ITIH4: variants seen among roughly 807,000 people sequenced by gnomAD.
ITIH4 encodes inter-alpha-trypsin inhibitor heavy chain H4.
Under a neutral mutation model 111.8 loss-of-function variants are expected in ITIH4, and 79 were observed. The ratio of observed to expected loss-of-function variants is 0.71; its 90% CI spans 0.59 to 0.85. The LOEUF is 0.85. ITIH4 is among the 40% of genes least tolerant of loss of function. ITIH4 has a pLI of 0.00. For missense variants in ITIH4, 1,065 were observed against 1,195.8 expected, an observed-to-expected ratio of 0.89 and a Z score of 1.61; for synonymous variants, 472 against 468.3, an observed-to-expected ratio of 1.01 and a Z score of -0.10.
Position 52,812,970 on chromosome 3 carries a change from ATTT to A in ITIH4, c.*448_*450del, listed in dbSNP as rs67293153. The stretch of plus-strand genomic sequence containing the variant: ...AAAGAATTCCAACCCAGTTCACTCT[ATTT>A]TTTTTTTTTTTTTTTTTGTAGTCAA... On this transcript the variant is annotated 3_prime_UTR_variant, in exon 24 of 24. Transcript: ENST00000266041. 3.0e-5 allele frequency: 4 copies of A among 132,852 alleles called. No individual in the cohort carries two copies. Among genetic ancestry groups the A allele is most frequent in the Admixed American group, 1.5e-4 (2 of 13,136 alleles). The allele number at this position is 132,852 out of a possible 1,614,324, so 8.2% of individuals were successfully genotyped here.
At chr3:52,818,772 A>G (rs1700323640) in intron 17 of ITIH4, 1 of 550,344 alleles carries the variant, frequency 1.8e-6, no homozygotes, top group African/African-American at 1.9e-5. Context: ...AGTTCAAGGG[A>G]CCTCTGTTGG....
chr3:52,824,891 A>G lies in ITIH4; in HGVS notation c.827T>C (p.Val276Ala). The G allele has an allele frequency of 6.2e-7, 1 of 1,614,126 alleles. No individual in the cohort carries two copies. The highest frequency in any genetic ancestry group is 1.1e-5 in the South Asian group (1 of 91,070). ...EGLTTMPKNV[V>A]FVIDKSGSMS... The stretch of plus-strand genomic sequence containing the variant: ...GGAGCCGCTCTTGTCAATGACAAAG[A>G]CCACATTCTTGGGCATTGTGGTTAG... Residue 276 changes from valine to alanine, a missense_variant, in exon 7 of 24, where the codon GTC (valine) becomes GCC (alanine). Physicochemically the swap from Val to Ala is moderately conservative, Grantham distance 64. Transcript: ENST00000266041. The surrounding 1 kb of genome is among the most constrained non-coding windows in gnomAD (Gnocchi z 4.3).
intron 23 of ITIH4, 36 bp downstream of exon 23, chr3:52,813,939 C>T (rs1354679957): frequency 6.4e-7 from 1 of 1,564,302 alleles, no homozygotes; most frequent in Non-Finnish European, 8.7e-7. Flanking sequence ...CCACCCCACC[C>T]CAGCTGGGCT....
chr3:52,818,017 T>C (rs374279639), intron 20 of ITIH4, 35 bp downstream of exon 20: 4 of 1,500,266 alleles, frequency 2.7e-6, no homozygotes, highest in African/African-American at 1.4e-5. Context: ...TGTGTGCCAG[T>C]GGTGTCTGGG....
At position 52,823,825 on chromosome 3, in the gene ITIH4, G is replaced by A. The variant is rs1343862105; in HGVS notation, c.1351C>T (p.Gln451Ter). ...GCCCACCTGGGGCACACTGGCACCT[G>A]GAGCTGCAGGGCAGAGTCTGAGTCC... Reference protein sequence around the residue: ...HEDSDSALQLQDFYQEVANPL... With the variant: ...HEDSDSALQL The change falls in exon 10 of 24, where the codon CAG (glutamine) becomes TAG (stop). Residue 451 changes from glutamine to a stop codon, truncating the protein, a stop_gained and splice_region_variant. Coordinates refer to ENST00000266041, the MANE Select transcript of ITIH4 (RefSeq NM_002218.5). LOFTEE classifies it high-confidence loss of function. 1.2e-6 allele frequency: 2 copies of A among 1,613,852 alleles called. No individual in the cohort carries two copies. The highest frequency in any genetic ancestry group is 1.7e-5 in the Admixed American group (1 of 59,994).
Position 52,824,758 on chromosome 3 carries a change from A to G in ITIH4, c.876+84T>C. 7.6e-7 allele frequency: 1 copy of G among 1,316,444 alleles called. No individual in the cohort carries two copies. The highest frequency in any genetic ancestry group is 1.1e-6 in the Non-Finnish European group (1 of 937,916). 81.5% of individuals were successfully genotyped at this position (1,316,444 alleles called of 1,614,324 possible). ...GCCCCATGGTGCCGAAAGGTGAAGC[A>G]AGGGGGTCTGCCTGCCGGACCACAG... is the stretch of plus-strand genomic sequence containing the variant. On this transcript the variant is annotated intron_variant, in intron 7 of 23. Transcript: ENST00000266041. The surrounding 1 kb of genome is among the most constrained non-coding windows in gnomAD (Gnocchi z 4.3).
In ITIH4 at chr3:52,820,200, C is replaced by A. The variant is rs1383276810; in HGVS notation, c.1861+91G>T. ...CTGGAGAGGCCTGGGTGGACCTGGG[C>A]CCTGGCCAGCAACCTCACAGGGCTG... is the stretch of plus-strand genomic sequence containing the variant. On this transcript the variant is annotated intron_variant, in intron 14 of 23. Coordinates refer to ENST00000266041, the MANE Select transcript of ITIH4 (RefSeq NM_002218.5). 9 of 1,560,086 alleles carry A rather than the reference C, an allele frequency of 5.8e-6. No homozygotes were observed. The South Asian group carries it at 9.1e-5, about 16-fold the overall frequency.
chr3:52,818,714 G>A, intron 17 of ITIH4, 178 bp from the exon 18 acceptor site: 1 of 616,746 alleles, frequency 1.6e-6, no homozygotes, highest in Non-Finnish European at 2.9e-6. Flanking sequence ...GATAGGTCCA[G>A]CCTGGCTGTG....
In ITIH4 at chr3:52,820,598, C is replaced by A. The variant is rs370527061; in HGVS notation, c.1834+33G>T. On this transcript the variant is annotated intron_variant, in intron 13 of 23. Coordinates refer to ENST00000266041, the MANE Select transcript of ITIH4 (RefSeq NM_002218.5). ...AGAACGCTGGGTCCAAACTCTGCTA[C>A]CTGGGAGGCTGAGATCTCAACCCCA... 3 of 1,581,994 alleles carry A rather than the reference C, an allele frequency of 1.9e-6. No individual in the cohort carries two copies. The African/African-American group carries it at 4.1e-5, about 21-fold the overall frequency.
chr3:52,825,767 T>C, intron 6 of ITIH4, 119 bp downstream of exon 6: 1 of 1,102,986 alleles, frequency 9.1e-7, no homozygotes, highest in Non-Finnish European at 1.3e-6. Context: ...TCTGTGCCGG[T>C]CCCTGGTGCA....
At chr3:52,830,084 T>A in intron 1 of ITIH4, 1 of 313,494 alleles carries the variant, frequency 3.2e-6, no homozygotes, top group Non-Finnish European at 6.2e-6. Context: ...TGCTTGGGTA[T>A]TTGCTCTGCG....
At chr3:52,819,342 A>C in intron 17 of ITIH4, 51 bp downstream of exon 17, 1 of 1,610,694 alleles carries the variant, frequency 6.2e-7, no homozygotes, top group Non-Finnish European at 8.5e-7. Flanking sequence ...GGGCAGGCTC[A>C]AGGACCACCG....
At chr3:52,826,684 AG>A in intron 4 of ITIH4, 33 bp from the exon 5 acceptor site, 1 of 1,610,380 alleles carries the variant, frequency 6.2e-7, no homozygotes, top group Non-Finnish European at 8.5e-7. Flanking sequence ...TGGGTCAGCC[AG>A]GAGCCTGGGC....
At chr3:52,819,695 T>G in intron 16 of ITIH4, 59 bp downstream of exon 16, 4 of 1,591,938 alleles carry the variant, frequency 2.5e-6, no homozygotes, top group Non-Finnish European at 3.4e-6. Flanking sequence ...ATAATGGACC[T>G]CCCTCAAGCT....
chr3:52,814,318 G>C lies in ITIH4; in HGVS notation c.2517C>G (p.Asp839Glu), dbSNP rs746827018. 6.8e-6 allele frequency: 11 copies of C among 1,614,070 alleles called. No individual in the cohort carries two copies. Among genetic ancestry groups the C allele is most frequent in the Admixed American group, 1.7e-5 (1 of 60,024 alleles). ...ACAGGCCGATGGTCACTTTGTCTGG[G>C]TCACTGAGCAGCAGGAGACCCGTCT... ...MDKTGLLLLS[D>E]PDKVTIGLLF... Residue 839 changes from aspartate to glutamate, a missense_variant, in exon 22 of 24, where the codon GAC becomes GAG. Asp to Glu is a conservative substitution (Grantham distance 45, BLOSUM62 2). Transcript: ENST00000266041.
chr3:52,828,641 C>G (rs1700521280), intron 2 of ITIH4, among the ~76,000 whole-genome samples: 1 of 152,190 alleles, frequency 6.6e-6, no homozygotes, highest in African/African-American at 2.4e-5. Context: ...AGAGAAACCT[C>G]AGGCATCTCT....
chr3:52,815,693 T>C (rs1320452853), intron 21 of ITIH4, among the ~76,000 whole-genome samples: 1 of 151,918 alleles, frequency 6.6e-6, no homozygotes, highest in Non-Finnish European at 1.5e-5. Context: ...TAGATCTTTT[T>C]TTTTTTTCCT....
chr3:52,818,026 G>A (rs1700309534), intron 20 of ITIH4, 26 bp downstream of exon 20: 1 of 1,555,110 alleles, frequency 6.4e-7, no homozygotes, highest in Non-Finnish European at 8.9e-7. Context: ...GTGGTGTCTG[G>A]GTCTCTCTGG....
chr3:52,821,113 A>G lies in ITIH4; in HGVS notation c.1557T>C (p.Thr519=). The G allele has an allele frequency of 6.2e-7, 1 of 1,613,598 alleles. No individual in the cohort carries two copies. Among genetic ancestry groups the G allele is most frequent in the South Asian group, 1.1e-5 (1 of 91,048 alleles). The part of the protein sequence containing the change: ...VSGKLPTQNI[T]FQTESSVAEQ... ...CTGCCACACTGGACTCCGTTTGGAAAGTGATGTTCTGTGTAGGCTGGAAAG... is the reference window on the plus strand; with the variant it reads ...CTGCCACACTGGACTCCGTTTGGAAGGTGATGTTCTGTGTAGGCTGGAAAG... Residue 519 remains threonine (T), a synonymous_variant, in exon 12 of 24, where the codon ACT becomes ACC. Coordinates refer to ENST00000266041, the MANE Select transcript of ITIH4 (RefSeq NM_002218.5).
Sources: gnomAD v4.1 joint callset for allele counts (sites outside exome capture counted in the v4.1 genomes callset) on GRCh38, gnomAD v4.1.1 for gene constraint, Gnocchi (gnomAD v3.1) non-coding constraint, MANE v1.5 for transcripts, NCBI Gene and HGNC (gene_info 2026-07-23, HGNC 2026-07-21) for gene names.